Variants in ACVRL1 observed in about 807,000 individuals in gnomAD.
ACVRL1 encodes the protein activin A receptor like type 1, also known as activin receptor type-1-like.
A neutral mutation model predicts 51.9 loss-of-function variants in ACVRL1; 20 were observed. The observed-to-expected ratio is 0.39, with a 90% CI of 0.27 to 0.56. ACVRL1 has a LOEUF of 0.56. ACVRL1 is among the 20% of genes least tolerant of loss of function. The pLI is 0.67. For synonymous variants in ACVRL1, 288 were observed against 280.9 expected (o/e 1.03, Z -0.25); for missense variants, 451 against 670.3 (o/e 0.67, Z 3.61).
chr12:51,913,572 T>C lies in ACVRL1; in HGVS notation c.327T>C (p.Pro109=). The part of the protein sequence containing the change: ...VSLVLEATQP[P]SEQPGTDGQL... ...CCCCTCCCTCAGCCACCCAACCTCC[T>C]TCGGAGCAGCCGGGAACAGATGGCC... Residue 109 remains proline (P), a synonymous_variant, in exon 4 of 10, where the codon CCT becomes CCC. Coordinates refer to ENST00000388922, the MANE Select transcript of ACVRL1 (RefSeq NM_000020.3). 6.3e-7 allele frequency: 1 copy of C among 1,598,272 alleles called. No individual in the cohort carries two copies. The highest frequency in any genetic ancestry group is 8.5e-7 in the Non-Finnish European group (1 of 1,179,742).
chr12:51,915,559 C>A (rs1940817063), intron 7 of ACVRL1, 59 bp downstream of exon 7: 2 of 1,556,450 alleles, frequency 1.3e-6, no homozygotes, highest in African/African-American at 1.4e-5. Flanking sequence ...GTGCGCTCTC[C>A]TCTCCTTTGC....
intron 8 of ACVRL1, 80 bp downstream of exon 8, chr12:51,916,313 A>C (rs1592225192): frequency 6.7e-7 from 1 of 1,500,222 alleles, no homozygotes; most frequent in Non-Finnish European, 9.0e-7. Context: ...GCCAGTGCCC[A>C]TGGCCTGGGA....
rs1401204670 is a variant in ACVRL1 at position 51,918,978 on chromosome 12, T to C, written c.1247-7T>C. 2 of 1,614,224 alleles carry C rather than the reference T, an allele frequency of 1.2e-6. No homozygotes were observed. Among genetic ancestry groups the C allele is most frequent in the Admixed American group, 1.7e-5 (1 of 60,032 alleles). On this transcript the variant is annotated splice_polypyrimidine_tract_variant and splice_region_variant and intron_variant, in intron 8 of 9. Coordinates refer to ENST00000388922, the MANE Select transcript of ACVRL1 (RefSeq NM_000020.3). ...AAGTGATTGTCCTGTCCATTCTCCA[T>C]TTCCAGGCATCGTGGAGGACTATAG...
chr12:51,912,269 C>T, intron 1 of ACVRL1: 1 of 661,280 alleles, frequency 1.5e-6, no homozygotes, highest in East Asian at 2.7e-5. Context: ...TCACCTCTAA[C>T]AGGATGGTTT....
In ACVRL1 at chr12:51,912,296, C is replaced by T. The variant is rs370288633; in HGVS notation, c.-5-174C>T. The stretch of plus-strand genomic sequence containing the variant: ...GGATGGTTTCCATGGGGAAGTGAAC[C>T]AGGACTTCCCCTGCAGGCCCCGCCC... On this transcript the variant is annotated intron_variant, in intron 1 of 9. Transcript: ENST00000388922. 3.5e-5 allele frequency: 25 copies of T among 707,304 alleles called. 1 individual carries two copies. Among genetic ancestry groups the T allele is most frequent in the African/African-American group, 2.3e-4 (13 of 56,878 alleles). 43.8% of individuals were successfully genotyped at this position (707,304 alleles called of 1,614,324 possible).
At position 51,921,094 on chromosome 12, in the gene ACVRL1, A is replaced by C. The variant is rs993873584; in HGVS notation, c.*201A>C. On this transcript the variant is annotated 3_prime_UTR_variant, in exon 10 of 10. Transcript: ENST00000388922. The stretch of plus-strand genomic sequence containing the variant: ...GATCCCCTGCTGTCTGGCCTGCTCA[A>C]AGCGGCAGGCTCCCTGACGCCTGGC... The C allele has an allele frequency of 6.2e-6, 4 of 642,084 alleles. No individual in the cohort carries two copies. The highest frequency in any genetic ancestry group is 1.1e-5 in the Non-Finnish European group (4 of 371,514). 39.8% of individuals were successfully genotyped at this position (642,084 alleles called of 1,614,324 possible).
intron 6 of ACVRL1, 36 bp from the exon 7 acceptor site, chr12:51,915,189 C>T (rs1187181628): frequency 1.2e-6 from 2 of 1,613,702 alleles, no homozygotes; most frequent in Non-Finnish European, 1.7e-6. Context: ...TTAGCCCCAG[C>T]CCCTTGGCTG....
intron 6 of ACVRL1, among the ~76,000 whole-genome samples, chr12:51,914,928 G>C (rs1301242853): frequency 1.3e-5 from 2 of 151,890 alleles, no homozygotes; most frequent in Non-Finnish European, 2.9e-5. Context: ...ATTTTTTGTA[G>C]AGACGAGGTC....
Position 51,915,355 on chromosome 12 carries a change from G to T in ACVRL1, c.903G>T (p.Arg301Ser). ...RQTLEPHLAL[R>S]LAVSAACGLA... ...CGCTGGAGCCCCATCTGGCTCTGAG[G>T]CTAGCTGTGTCCGCGGCATGCGGCC... Residue 301 changes from arginine (R) to serine (S), a missense_variant, in exon 7 of 10, where the codon AGG becomes AGT. By Grantham distance (110) the Arg-to-Ser change is moderately radical. Transcript: ENST00000388922. 1 of 1,614,128 alleles carries T rather than the reference G, an allele frequency of 6.2e-7. No homozygotes were observed. The highest frequency in any genetic ancestry group is 1.3e-5 in the African/African-American group (1 of 75,072).
chr12:51,908,186 C>T (rs1203316020), intron 1 of ACVRL1, among the ~76,000 whole-genome samples: 1 of 152,312 alleles, frequency 6.6e-6, no homozygotes, highest in East Asian at 1.9e-4. Flanking sequence ...TCACCCTAGG[C>T]GCGCATGGTC....
chr12:51,914,840 C>T (rs1354485581), intron 6 of ACVRL1, among the ~76,000 whole-genome samples: 1 of 152,100 alleles, frequency 6.6e-6, no homozygotes, highest in Non-Finnish European at 1.5e-5. Context: ...ATCTCTTGAG[C>T]TCAAGTGATC....
chr12:51,908,440 C>A (rs553177627), intron 1 of ACVRL1, among the ~76,000 whole-genome samples: 10 of 152,344 alleles, frequency 6.6e-5, no homozygotes, highest in African/African-American at 2.2e-4. Context: ...TGTCCTCTCA[C>A]CTGTCCCCCC....
At chr12:51,919,896 G>T (rs1447196960) in intron 9 of ACVRL1, among the ~76,000 whole-genome samples, 1 of 152,202 alleles carries the variant, frequency 6.6e-6, no homozygotes, top group East Asian at 1.9e-4. Flanking sequence ...TGAGGACAAA[G>T]AACGTGTCTT....
At chr12:51,912,953 A>G in intron 2 of ACVRL1, 146 bp from the exon 3 acceptor site, 1 of 1,233,650 alleles carries the variant, frequency 8.1e-7, no homozygotes. Flanking sequence ...TGAGGGAAGG[A>G]TGACTGAGGA....
intron 6 of ACVRL1, 28 bp downstream of exon 6, chr12:51,914,613 C>A: frequency 6.3e-7 from 1 of 1,599,872 alleles, no homozygotes; most frequent in South Asian, 1.1e-5. Flanking sequence ...CTGTGCCAGG[C>A]CTGGGGCTTT....
intron 8 of ACVRL1, 46 bp from the exon 9 acceptor site, chr12:51,918,939 C>A: frequency 6.2e-7 from 1 of 1,614,154 alleles, no homozygotes; most frequent in Non-Finnish European, 8.5e-7. Context: ...GGTATTGGGC[C>A]TCCTTAGAGT....
intron 2 of ACVRL1, 60 bp downstream of exon 2, chr12:51,912,595 C>A (rs1423165255): frequency 7.1e-7 from 1 of 1,410,968 alleles, no homozygotes; most frequent in Non-Finnish European, 1.0e-6. Flanking sequence ...GCTATCTGGG[C>A]CCAGATCAGC....
intron 9 of ACVRL1, among the ~76,000 whole-genome samples, chr12:51,920,436 T>C (rs1940946145): frequency 6.6e-6 from 1 of 152,172 alleles, no homozygotes; most frequent in Non-Finnish European, 1.5e-5. Flanking sequence ...CTCCTGAAGA[T>C]CTGAGTTCTC....
At position 51,913,390 on chromosome 12, in the gene ACVRL1, G is replaced by C. The variant is rs376033978; in HGVS notation, c.313+40G>C. 1,947 of 1,605,376 alleles carry C rather than the reference G, an allele frequency of 1.2e-3. 2 individuals are homozygous for C. The highest frequency in any genetic ancestry group is 1.5e-3 in the Non-Finnish European group (1,823 of 1,176,772). ...CCTAGCACTCCCTCCCCATCTTCTT[G>C]GCCCCTGCCCTCCCTTCCCTCCTTT... On this transcript the variant is annotated intron_variant, in intron 3 of 9. Coordinates refer to ENST00000388922, the MANE Select transcript of ACVRL1 (RefSeq NM_000020.3).
Sources: allele counts gnomAD v4.1 joint callset (sites outside exome capture counted in the v4.1 genomes callset), GRCh38; gene constraint gnomAD v4.1.1; transcripts MANE v1.5; gene names NCBI Gene and HGNC (gene_info 2026-07-23, HGNC 2026-07-21).